MEGF9: variants seen among roughly 807,000 people sequenced by gnomAD.
MEGF9 encodes the protein multiple EGF like domains 9, also known as multiple epidermal growth factor-like domains protein 9.
In MEGF9, 6 loss-of-function variants were observed where a neutral mutation model predicts 46.8. The observed-to-expected ratio is 0.13, with a 90% CI of 0.07 to 0.25. MEGF9 has a LOEUF of 0.25. Among genes scored for constraint, MEGF9 ranks in the 10% least tolerant of loss-of-function variants. The probability of loss-of-function intolerance (pLI) is 1.00; values close to 1 mark genes in which losing one functional copy is unlikely to be tolerated. For missense variants in MEGF9, 683 were observed against 792.4 expected, an observed-to-expected ratio of 0.86 and a Z score of 1.66; for synonymous variants, 302 against 330.7, an observed-to-expected ratio of 0.91 and a Z score of 0.94.
chr9:120,604,952 G>A lies in MEGF9; in HGVS notation c.*238C>T. The A allele has an allele frequency of 1.9e-6, 1 of 527,714 alleles. No homozygotes were observed. Among genetic ancestry groups the A allele is most frequent in the Non-Finnish European group, 3.3e-6 (1 of 299,266 alleles). 32.7% of individuals were successfully genotyped at this position (527,714 alleles called of 1,614,324 possible). On this transcript the variant is annotated 3_prime_UTR_variant, in exon 6 of 6. Transcript: ENST00000373930. ...TTCAGCCTTTCCATACTCCCATGTG[G>A]TTTGGTACAAAAATATACTTTACTT...
chr9:120,601,464 A>C lies in MEGF9; in HGVS notation c.*3726T>G, dbSNP rs1051464447. The C allele has an allele frequency of 1.3e-5, 2 of 152,216 alleles. No homozygotes were observed. The highest frequency in any genetic ancestry group is 2.1e-4 in the South Asian group (1 of 4,830). The allele number at this position is 152,216 out of a possible 1,614,324, so 9.4% of individuals were successfully genotyped here. A position where few individuals can be genotyped will look rare whatever the true frequency, so the allele number is the denominator to read the frequency against. On this transcript the variant is annotated 3_prime_UTR_variant, in exon 6 of 6. Transcript: ENST00000373930. The stretch of plus-strand genomic sequence containing the variant: ...AGCACTTAAAGGGTTAAATATCCTG[A>C]TGGTACTCAGCTGACCAAAATAAAC...
chr9:120,689,025 CAAT>C (rs964455090), intron 1 of MEGF9, among the ~76,000 whole-genome samples: 9 of 152,210 alleles, frequency 5.9e-5, no homozygotes, highest in African/African-American at 9.6e-5. Flanking sequence ...GGAGATACAA[CAAT>C]GAGAAAGACA....
intron 1 of MEGF9, among the ~76,000 whole-genome samples, chr9:120,660,827 G>C (rs1335042605): frequency 1.3e-5 from 2 of 152,166 alleles, no homozygotes; most frequent in African/African-American, 4.8e-5. Flanking sequence ...TACCCTTAAA[G>C]GGTCCTGAGA....
intron 2 of MEGF9, among the ~76,000 whole-genome samples, chr9:120,625,614 T>A (rs560844537): frequency 1.3e-5 from 2 of 151,716 alleles, no homozygotes; most frequent in South Asian, 4.2e-4. Flanking sequence ...GGCGAGTGGA[T>A]CACGAGGGCA....
At chr9:120,700,234 G>C (rs940858339) in intron 1 of MEGF9, among the ~76,000 whole-genome samples, 1 of 152,284 alleles carries the variant, frequency 6.6e-6, no homozygotes, top group Non-Finnish European at 1.5e-5. Context: ...AGAAAGACTA[G>C]AATTTAGTTC....
intron 1 of MEGF9, among the ~76,000 whole-genome samples, chr9:120,667,817 G>A (rs2043731857): frequency 6.6e-6 from 1 of 152,230 alleles, no homozygotes; most frequent in Non-Finnish European, 1.5e-5. Context: ...CCGGAGGTCA[G>A]GAGTTCAAGA....
At chr9:120,648,182 C>A (rs763791334) in intron 2 of MEGF9, among the ~76,000 whole-genome samples, 7 of 152,004 alleles carry the variant, frequency 4.6e-5, no homozygotes, top group Non-Finnish European at 1.0e-4. Flanking sequence ...TCTGATGTCA[C>A]CTCTTGTTAA....
chr9:120,612,278 G>T, intron 4 of MEGF9, 118 bp downstream of exon 4: 1 of 945,032 alleles, frequency 1.1e-6, no homozygotes, highest in Non-Finnish European at 1.5e-6. Flanking sequence ...AACTTTTGCT[G>T]TTTTTATAAC....
chr9:120,692,785 G>C (rs1405275081), intron 1 of MEGF9, among the ~76,000 whole-genome samples: 1 of 152,004 alleles, frequency 6.6e-6, no homozygotes, highest in Non-Finnish European at 1.5e-5. Flanking sequence ...CCTTTTCCTA[G>C]AGTGTCCTTC....
At chr9:120,613,953 T>C (rs916677949) in intron 3 of MEGF9, among the ~76,000 whole-genome samples, 1 of 151,954 alleles carries the variant, frequency 6.6e-6, no homozygotes, top group Non-Finnish European at 1.5e-5. Context: ...GTCTCACAAC[T>C]GAAGCAAAAC....
intron 1 of MEGF9, among the ~76,000 whole-genome samples, chr9:120,692,163 T>A (rs1359637996): frequency 6.6e-6 from 1 of 152,176 alleles, no homozygotes; most frequent in African/African-American, 2.4e-5. Flanking sequence ...CCTAAGTCAT[T>A]CACCATTCTC....
chr9:120,702,192 T>C (rs1464821012), intron 1 of MEGF9, among the ~76,000 whole-genome samples: 4 of 152,224 alleles, frequency 2.6e-5, no homozygotes, highest in Admixed American at 2.0e-4. Context: ...TCATTCCTAC[T>C]GTATGTTCAA....
At chr9:120,710,032 CAA>C (rs56208944) in intron 1 of MEGF9, among the ~76,000 whole-genome samples, 2,654 of 97,884 alleles carry the variant, frequency 0.027, 41 homozygotes, top group Middle Eastern at 0.11. Context: ...AACTCCGTCT[CAA>C]AAAAAAAAAA....
At chr9:120,612,925 C>CTTT (rs58019064) in intron 3 of MEGF9, among the ~76,000 whole-genome samples, 1 of 135,172 alleles carries the variant, frequency 7.4e-6, no homozygotes, top group South Asian at 2.3e-4. Context: ...ATGCACAAAT[C>CTTT]TTTTTTTTTT....
At chr9:120,696,499 A>C (rs746390058) in intron 1 of MEGF9, among the ~76,000 whole-genome samples, 4 of 152,214 alleles carry the variant, frequency 2.6e-5, no homozygotes, top group Admixed American at 6.5e-5. Context: ...TCTTTTGATA[A>C]TTAAATGAGG....
At chr9:120,642,876 A>G (rs2043608943) in intron 2 of MEGF9, among the ~76,000 whole-genome samples, 1 of 152,250 alleles carries the variant, frequency 6.6e-6, no homozygotes, top group South Asian at 2.1e-4. Flanking sequence ...AAACATGCCT[A>G]TGTTCCTTCT....
Position 120,636,726 on chromosome 9 carries a change from C to A in MEGF9, c.804-13971G>T, listed in dbSNP as rs551207059. Among the ~76,000 whole-genome samples, 357 of 152,284 alleles carry A rather than the reference C, an allele frequency of 2.3e-3. 2 individuals carry two copies. The highest frequency in any genetic ancestry group is 8.3e-3 in the African/African-American group (346 of 41,568). On this transcript the variant is annotated intron_variant, in intron 2 of 5. Coordinates refer to ENST00000373930, the MANE Select transcript of MEGF9 (RefSeq NM_001080497.3). ...CCACACCTCTGCCCAGCCGCGACCC[C>A]GTCTGGGAACTGAGGAGCGCCTCCG...
chr9:120,679,496 G>A (rs117397725), intron 1 of MEGF9, among the ~76,000 whole-genome samples: 2,062 of 147,002 alleles, frequency 0.014, 19 homozygotes, highest in Non-Finnish European at 0.024. Context: ...AGGGGGAAGG[G>A]ATTGCATTAG....
chr9:120,690,977 C>G (rs967680413), intron 1 of MEGF9, among the ~76,000 whole-genome samples: 1 of 152,094 alleles, frequency 6.6e-6, no homozygotes, highest in African/African-American at 2.4e-5. Flanking sequence ...GTTCCAATGA[C>G]ACATTTTAGC....
Sources: gnomAD v4.1 joint callset for allele counts (sites outside exome capture counted in the v4.1 genomes callset) on GRCh38, gnomAD v4.1.1 for gene constraint, MANE v1.5 for transcripts, NCBI Gene and HGNC (gene_info 2026-07-23, HGNC 2026-07-21) for gene names.